The following FRMD3 variants were observed in gnomAD, a reference collection of about 807,000 sequenced individuals.
The protein encoded by FRMD3 is FERM domain-containing protein 3.
Under a neutral mutation model 70.2 loss-of-function variants are expected in FRMD3, and 33 were observed. That is an observed-to-expected ratio of 0.47 (90% CI 0.36 to 0.63). FRMD3 has a LOEUF of 0.63. Among genes scored for constraint, FRMD3 ranks in the 20% least tolerant of loss-of-function variants. FRMD3 has a pLI of 0.00. For synonymous variants in FRMD3, 279 were observed against 255.9 expected (o/e 1.09, Z -0.86); for missense variants, 632 against 711.4 (o/e 0.89, Z 1.27).
Position 83,283,530 on chromosome 9 carries a change from CAAAAA to C in FRMD3, c.1195+7068_1195+7072del, listed in dbSNP as rs765093024. Among the ~76,000 whole-genome samples the C allele has an allele frequency of 1.6e-3, 214 of 132,248 alleles. 2 individuals are homozygous for C. The East Asian group carries it at 0.033, about 21-fold the overall frequency. 86.8% of individuals were successfully genotyped at this position (132,248 alleles called of 152,430 possible). On this transcript the variant is annotated intron_variant, in intron 13 of 13. Coordinates refer to ENST00000304195, the MANE Select transcript of FRMD3 (RefSeq NM_174938.6). The stretch of plus-strand genomic sequence containing the variant: ...TGGGCGACAGAGCGAGAATCCATCT[CAAAAA>C]AAAAAAAAAAAAATAATAATAATAA...
chr9:83,316,161 C>CTTTTTT (rs34851421), intron 6 of FRMD3, among the ~76,000 whole-genome samples: 1 of 112,606 alleles, frequency 8.9e-6, no homozygotes, highest in Non-Finnish European at 1.7e-5. Context: ...TTTTTTTTTT[C>CTTTTTT]TTTTTTTTTT....
At chr9:83,487,450 T>C (rs929072729) in intron 1 of FRMD3, among the ~76,000 whole-genome samples, 8 of 152,246 alleles carry the variant, frequency 5.3e-5, no homozygotes, top group African/African-American at 1.9e-4. Flanking sequence ...TGAACCACTT[T>C]TTCCTCATCT....
intron 1 of FRMD3, among the ~76,000 whole-genome samples, chr9:83,484,248 C>T (rs2131483701): frequency 6.6e-6 from 1 of 152,278 alleles, no homozygotes; most frequent in Admixed American, 6.5e-5. Context: ...CACATTTGAG[C>T]ATGTTTCTAA....
At chr9:83,296,511 A>C (rs1834667827) in intron 12 of FRMD3, among the ~76,000 whole-genome samples, 1 of 152,220 alleles carries the variant, frequency 6.6e-6, no homozygotes, top group Admixed American at 6.5e-5. Context: ...GTTGCTTTGT[A>C]GCATTACATT....
rs1489027232 is a variant in FRMD3 at position 83,345,098 on chromosome 9, T to C, written c.375-1811A>G. Among the ~76,000 whole-genome samples the C allele has an allele frequency of 2.6e-5, 4 of 152,188 alleles. No individual in the cohort carries two copies. The South Asian group carries it at 6.2e-4, about 24-fold the overall frequency. ...GTTCACTGAAAGCACACTGGATCCA[T>C]TGAAGGAATCAGTGGCTCACTGATG... On this transcript the variant is annotated intron_variant, in intron 4 of 13. Transcript: ENST00000304195.
chr9:83,349,141 A>T (rs1299404094), intron 4 of FRMD3, among the ~76,000 whole-genome samples: 1 of 152,174 alleles, frequency 6.6e-6, no homozygotes, highest in Non-Finnish European at 1.5e-5. Context: ...GGTACGCTGA[A>T]GCTGTAGCCC....
chr9:83,415,840 T>C (rs17086241), intron 1 of FRMD3, among the ~76,000 whole-genome samples: 2,077 of 152,212 alleles, frequency 0.014, 38 homozygotes, highest in African/African-American at 0.047. Context: ...GAAAAGGTAG[T>C]GGTTCATTAT....
chr9:83,352,352 T>C (rs955048267), intron 3 of FRMD3, among the ~76,000 whole-genome samples: 3 of 152,192 alleles, frequency 2.0e-5, no homozygotes, highest in Non-Finnish European at 4.4e-5. Context: ...ACGAGAGCTG[T>C]CCTTTCTCTC....
At chr9:83,255,799 C>T (rs765224297) in intron 13 of FRMD3, among the ~76,000 whole-genome samples, 5 of 151,976 alleles carry the variant, frequency 3.3e-5, no homozygotes, top group Non-Finnish European at 7.4e-5. Context: ...AATAAAATAC[C>T]TTGAAATACA....
chr9:83,261,425 A>G (rs1832987203), intron 13 of FRMD3, among the ~76,000 whole-genome samples: 1 of 152,096 alleles, frequency 6.6e-6, no homozygotes, highest in Non-Finnish European at 1.5e-5. Context: ...AAAGTCTCCA[A>G]TGATCACCAT....
chr9:83,446,896 A>G (rs1382977453), intron 1 of FRMD3, among the ~76,000 whole-genome samples: 3 of 152,208 alleles, frequency 2.0e-5, no homozygotes, highest in Non-Finnish European at 2.9e-5. Context: ...GTGAAATGAG[A>G]AGAAAATGCA....
intron 1 of FRMD3, among the ~76,000 whole-genome samples, chr9:83,414,351 G>C (rs1485508272): frequency 6.6e-6 from 1 of 152,000 alleles, no homozygotes; most frequent in Non-Finnish European, 1.5e-5. Flanking sequence ...ATAGATCATC[G>C]ACATCAATGT....
chr9:83,523,731 C>T (rs1216199470), intron 1 of FRMD3, among the ~76,000 whole-genome samples: 1 of 152,188 alleles, frequency 6.6e-6, no homozygotes, highest in East Asian at 1.9e-4. Flanking sequence ...CAAACTCAGG[C>T]TTCACAGCTG....
intron 12 of FRMD3, among the ~76,000 whole-genome samples, chr9:83,295,615 T>C (rs1834627818): frequency 6.6e-6 from 1 of 152,200 alleles, no homozygotes; most frequent in Non-Finnish European, 1.5e-5. Flanking sequence ...ATCTGAGAAG[T>C]GATTTACCCA....
intron 13 of FRMD3, among the ~76,000 whole-genome samples, chr9:83,279,653 A>G (rs1353820030): frequency 6.6e-6 from 1 of 152,198 alleles, no homozygotes; most frequent in East Asian, 1.9e-4. Context: ...TTGGAGGGAC[A>G]TGGAGGGAGC....
At chr9:83,585,327 G>A in the FRMD3 span, among the ~76,000 whole-genome samples, 1 of 152,338 alleles carries the variant, frequency 6.6e-6, no homozygotes, top group South Asian at 2.1e-4. Flanking sequence ...CAACCAGTAA[G>A]GGGGCAGTCT....
intron 1 of FRMD3, among the ~76,000 whole-genome samples, chr9:83,479,667 GGAAGGAAA>G (rs1183617376): frequency 3.0e-3 from 118 of 39,230 alleles, no homozygotes; most frequent in African/African-American, 9.0e-3. Context: ...AAGGAAGGAA[GGAAGGAAA>G]GAAAGAAAGA....
At chr9:83,581,225 C>T in the FRMD3 span, among the ~76,000 whole-genome samples, 1 of 151,862 alleles carries the variant, frequency 6.6e-6, no homozygotes, top group Non-Finnish European at 1.5e-5. Context: ...AATTACACCC[C>T]GTTAAGGAAA....
At chr9:83,331,766 AT>A (rs780029557) in intron 6 of FRMD3, 56 of 688,734 alleles carry the variant, frequency 8.1e-5, no homozygotes, top group Middle Eastern at 7.2e-4. Context: ...AATAAAGTCT[AT>A]TAAAAAAAGA....
Sources: allele counts gnomAD v4.1 joint callset (sites outside exome capture counted in the v4.1 genomes callset), GRCh38; gene constraint gnomAD v4.1.1; transcripts MANE v1.5; gene names NCBI Gene and HGNC (gene_info 2026-07-23, HGNC 2026-07-21).